Variants in EHMT1 observed in about 807,000 individuals in gnomAD.
The protein encoded by EHMT1 is histone-lysine N-methyltransferase EHMT1.
In EHMT1, 15 loss-of-function variants were observed where a neutral mutation model predicts 147.2. That is an observed-to-expected ratio of 0.10 (90% CI 0.07 to 0.16). The LOEUF (loss-of-function observed/expected upper bound fraction) is 0.16, where lower values mean the gene tolerates loss of function less well. Ranked by LOEUF, EHMT1 falls within the 10% of genes least tolerant of loss-of-function variation. The pLI is 1.00. For synonymous variants in EHMT1, 795 were observed against 709.6 expected (o/e 1.12, Z -1.91); for missense variants, 1,587 against 1,772.4 (o/e 0.90, Z 1.88).
chr9:137,792,200 C>T, intron 16 of EHMT1: 1 of 435,638 alleles, frequency 2.3e-6, no homozygotes, highest in Admixed American at 3.0e-5. Context: ...CAGTGTGGGA[C>T]TGGCATAAAG....
intron 1 of EHMT1, chr9:137,641,289 G>T: frequency 4.5e-6 from 2 of 443,238 alleles, no homozygotes; most frequent in Non-Finnish European, 4.5e-6. Flanking sequence ...TGATTTCCGT[G>T]GACTTTGAAG....
rs1956503630 is a variant in EHMT1, at chr9:137,835,002, C to T, written c.*49C>T. On this transcript the variant is annotated 3_prime_UTR_variant, in exon 27 of 27. Coordinates refer to ENST00000460843, the MANE Select transcript of EHMT1 (RefSeq NM_024757.5). ...TCGGGAGCCAGGGACCGCCGCGTCG[C>T]CGATTAGAGGACGAGGAGGAGAGAT... 9 of 1,364,884 alleles carry T rather than the reference C, an allele frequency of 6.6e-6. No homozygotes were observed. Among genetic ancestry groups the T allele is most frequent in the Non-Finnish European group, 7.5e-6 (8 of 1,066,030 alleles). 84.5% of individuals were successfully genotyped at this position (1,364,884 alleles called of 1,614,324 possible).
intron 1 of EHMT1, among the ~76,000 whole-genome samples, chr9:137,644,442 A>T (rs1321287821): frequency 6.6e-6 from 1 of 151,552 alleles, no homozygotes; most frequent in African/African-American, 2.4e-5. Flanking sequence ...CTCCTTCCTC[A>T]GCCTCCCGAG....
chr9:137,694,220 C>T (rs1423827913), intron 1 of EHMT1, among the ~76,000 whole-genome samples: 1 of 138,802 alleles, frequency 7.2e-6, no homozygotes, highest in East Asian at 2.2e-4. Context: ...CCGATACCCC[C>T]CACACAGTGG....
At chr9:137,645,164 C>T (rs547097629) in intron 1 of EHMT1, among the ~76,000 whole-genome samples, 28 of 152,246 alleles carry the variant, frequency 1.8e-4, no homozygotes, top group Non-Finnish European at 3.1e-4. Context: ...TGAGCCGCCA[C>T]GGCCTGCTTA....
chr9:137,811,371 C>G, intron 18 of EHMT1, 90 bp from the exon 19 acceptor site: 2 of 1,582,904 alleles, frequency 1.3e-6, no homozygotes, highest in Non-Finnish European at 1.7e-6. Flanking sequence ...AGCCTCTCCC[C>G]GGGCACATGG....
intron 26 of EHMT1, 83 bp from the exon 27 acceptor site, chr9:137,834,690 C>G: frequency 6.2e-7 from 1 of 1,607,842 alleles, no homozygotes; most frequent in Non-Finnish European, 8.5e-7. Flanking sequence ...GGTGAGGAAG[C>G]TTTGGCCTTG....
chr9:137,664,853 T>TC (rs1227841784), intron 1 of EHMT1: 1 of 152,158 alleles, frequency 6.6e-6, no homozygotes, highest in African/African-American at 2.4e-5. Context: ...GAACTTGGAG[T>TC]CCCATGTCTG....
At chr9:137,672,438 G>A (rs1039307605) in intron 1 of EHMT1, among the ~76,000 whole-genome samples, 10 of 152,316 alleles carry the variant, frequency 6.6e-5, no homozygotes, top group African/African-American at 2.4e-4. Flanking sequence ...TAAATTTTAT[G>A]TTAGCACGTA....
In EHMT1 at chr9:137,782,202, T is replaced by C; in HGVS notation, c.2276-89T>C. On this transcript the variant is annotated intron_variant, in intron 14 of 26. Coordinates refer to ENST00000460843, the MANE Select transcript of EHMT1 (RefSeq NM_024757.5). The surrounding 1 kb of genome is among the most constrained non-coding windows in gnomAD (Gnocchi z 5.7). ...GGCTGTTTATGTGGAGGATGGTCAT[T>C]TGTGAGTGCTTGCCAGCCATCGTGA... 1 of 1,264,942 alleles carries C rather than the reference T, an allele frequency of 7.9e-7. No homozygotes were observed. The highest frequency in any genetic ancestry group is 1.8e-4 in the Middle Eastern group (1 of 5,410). The allele number at this position is 1,264,942 out of a possible 1,614,324, so 78.4% of individuals were successfully genotyped here. A position where few individuals can be genotyped will look rare whatever the true frequency, so the allele number is the denominator to read the frequency against.
At chr9:137,793,186 A>G (rs1440440201) in intron 16 of EHMT1, among the ~76,000 whole-genome samples, 1 of 152,250 alleles carries the variant, frequency 6.6e-6, no homozygotes, top group African/African-American at 2.4e-5. Flanking sequence ...TTTACAAATT[A>G]TCTGATAAGA....
intron 4 of EHMT1, among the ~76,000 whole-genome samples, chr9:137,733,786 C>T (rs1279224344): frequency 2.0e-5 from 3 of 152,244 alleles, no homozygotes; most frequent in Non-Finnish European, 4.4e-5. Context: ...CTTTTGGGAG[C>T]CAGACATTAA....
rs561392599 is a variant in EHMT1, at chr9:137,719,282, A to G, written c.642+2100A>G. Among the ~76,000 whole-genome samples, 3 of 151,990 alleles carry G rather than the reference A, an allele frequency of 2.0e-5. No homozygotes were observed. The East Asian group carries it at 5.8e-4, about 29-fold the overall frequency. On this transcript the variant is annotated intron_variant, in intron 3 of 26. Coordinates refer to ENST00000460843, the MANE Select transcript of EHMT1 (RefSeq NM_024757.5). Reference sequence around the variant, plus strand: ...TCTGTCATAGTGTCTCAGCCTGACTATGAGTGCTGTGTGCGTTTTCTGTGG... The same window carrying G: ...TCTGTCATAGTGTCTCAGCCTGACTGTGAGTGCTGTGTGCGTTTTCTGTGG...
At chr9:137,801,424 T>C (rs752939257) in intron 18 of EHMT1, among the ~76,000 whole-genome samples, 40 of 152,154 alleles carry the variant, frequency 2.6e-4, no homozygotes, top group Non-Finnish European at 4.6e-4. Context: ...TGGGTTCAAG[T>C]GATTCTCATG....
chr9:137,760,533 G>A (rs981069680), intron 9 of EHMT1, among the ~76,000 whole-genome samples: 6 of 152,184 alleles, frequency 3.9e-5, no homozygotes, highest in East Asian at 3.8e-4. Context: ...CTGGGACCTC[G>A]GGCAGCACAT....
Position 137,806,526 on chromosome 9 carries a change from C to T in EHMT1, c.2713-4935C>T, listed in dbSNP as rs371518462. 6.1e-4 allele frequency among the ~76,000 whole-genome samples: 93 copies of T among 152,088 alleles called. 1 individual carries two copies. In the East Asian group the frequency reaches 0.012, roughly 20 times the overall value. ...CTTGGCTCACTGCAACCGCCTTCTT[C>T]CAGGTTTCAGGCGATTCTCCTGCCT... On this transcript the variant is annotated intron_variant, in intron 18 of 26. Coordinates refer to ENST00000460843, the MANE Select transcript of EHMT1 (RefSeq NM_024757.5).
chr9:137,666,259 A>G (rs1939635280), intron 1 of EHMT1, among the ~76,000 whole-genome samples: 1 of 152,328 alleles, frequency 6.6e-6, no homozygotes, highest in South Asian at 2.1e-4. Flanking sequence ...GGTCCCCTCC[A>G]ACTGAGGGTA....
intron 25 of EHMT1, among the ~76,000 whole-genome samples, chr9:137,822,482 CAGTG>C (rs755963744): frequency 1.3e-5 from 2 of 152,224 alleles, no homozygotes; most frequent in African/African-American, 2.4e-5. Flanking sequence ...GTTCCCACCT[CAGTG>C]AGTGAGAGCT....
At chr9:137,656,408 T>G (rs1343556452) in intron 1 of EHMT1, among the ~76,000 whole-genome samples, 2 of 152,124 alleles carry the variant, frequency 1.3e-5, no homozygotes, top group Non-Finnish European at 2.9e-5. Context: ...CAAAAATGTA[T>G]AGCTATGAAG....
Sources: allele counts gnomAD v4.1 joint callset (sites outside exome capture counted in the v4.1 genomes callset), GRCh38; gene constraint gnomAD v4.1.1; non-coding constraint Gnocchi (gnomAD v3.1); transcripts MANE v1.5; gene names NCBI Gene and HGNC (gene_info 2026-07-23, HGNC 2026-07-21).